WDPCP: variants seen among roughly 807,000 people sequenced by gnomAD.
WDPCP encodes WD repeat containing planar cell polarity effector, also known as WD repeat-containing and planar cell polarity effector protein fritz homolog.
WDPCP carries 71 observed loss-of-function variants against 93.1 expected under a neutral mutation model. The observed-to-expected ratio is 0.76, with a 90% CI of 0.63 to 0.93. The LOEUF (loss-of-function observed/expected upper bound fraction) is 0.93. WDPCP is among the 40% of genes least tolerant of loss of function. The pLI is 0.00. For synonymous variants in WDPCP, 315 were observed against 315.0 expected (o/e 1.00, Z 0.00); for missense variants, 844 against 887.4 (o/e 0.95, Z 0.62).
intron 2 of WDPCP, among the ~76,000 whole-genome samples, chr2:63,679,281 G>A (rs1710460779): frequency 6.7e-6 from 1 of 148,752 alleles, no homozygotes; most frequent in Non-Finnish European, 1.5e-5. Context: ...GTTCCTATAT[G>A]GGCTCCCCAT....
upstream of WDPCP, chr2:63,593,333 A>C: frequency 3.5e-6 from 1 of 286,590 alleles, no homozygotes; most frequent in South Asian, 3.6e-5. Context: ...ACCTCAGGTG[A>C]TCCGCCTGCC....
chr2:63,253,317 T>C (rs1031579556), intron 14 of WDPCP, among the ~76,000 whole-genome samples: 1 of 152,136 alleles, frequency 6.6e-6, no homozygotes, highest in Non-Finnish European at 1.5e-5. Flanking sequence ...CTTCTGGACA[T>C]TGGCCTTGGT....
intron 2 of WDPCP, among the ~76,000 whole-genome samples, chr2:63,711,808 T>C (rs1669268053): frequency 6.6e-6 from 1 of 152,144 alleles, no homozygotes; most frequent in Non-Finnish European, 1.5e-5. Flanking sequence ...TCTAATGGAT[T>C]AGGTAAACCC....
rs187386783 is a variant in WDPCP at position 63,778,810 on chromosome 2, C to T, written n.308+34812G>A. 1.8e-4 allele frequency among the ~76,000 whole-genome samples: 28 copies of T among 152,280 alleles called. No individual in the cohort carries two copies. The East Asian group carries it at 5.0e-3, about 27-fold the overall frequency. The stretch of plus-strand genomic sequence containing the variant: ...TTGGTTCTGAGAATCTCCGCATCCT[C>T]TATATAATATTGCCAGTCCGAAATT... On this transcript the variant is annotated intron_variant and non_coding_transcript_variant, in intron 2 of 4. Transcript: ENST00000467687.
intron 12 of WDPCP, among the ~76,000 whole-genome samples, chr2:63,375,015 G>A (rs1048051994): frequency 6.6e-6 from 1 of 151,972 alleles, no homozygotes; most frequent in African/African-American, 2.4e-5. Flanking sequence ...ACAACTCTCT[G>A]TGCCACAATC....
intron 3 of WDPCP, among the ~76,000 whole-genome samples, chr2:63,632,937 T>C (rs1156667340): frequency 2.0e-5 from 3 of 152,088 alleles, no homozygotes; most frequent in South Asian, 2.1e-4. Context: ...ATAATAAAAC[T>C]GTCAAAAATC....
At chr2:63,168,708 C>T (rs2103958471) in intron 15 of WDPCP, 1 of 152,276 alleles carries the variant, frequency 6.6e-6, no homozygotes, top group African/African-American at 2.4e-5. Flanking sequence ...ATATGGTGAC[C>T]TCCTGGGAGC....
chr2:63,493,943 T>G lies in WDPCP; in HGVS notation c.76-1003A>C, dbSNP rs566959366. 2.6e-5 allele frequency among the ~76,000 whole-genome samples: 4 copies of G among 152,310 alleles called. No homozygotes were observed. The South Asian group carries it at 8.3e-4, about 32-fold the overall frequency. On this transcript the variant is annotated intron_variant, in intron 1 of 17. Transcript: ENST00000272321. ...CATATTTTAATGGAGGAAAAATCCT[T>G]CAGCTTCTTTAACATTAGGAGTGAC...
chr2:63,354,710 A>G (rs1324518139), intron 12 of WDPCP, among the ~76,000 whole-genome samples: 2 of 143,182 alleles, frequency 1.4e-5, no homozygotes, highest in African/African-American at 5.2e-5. Context: ...GTATGTATAT[A>G]TGTATGTGTG....
At chr2:63,325,737 T>C (rs1169631346) in intron 12 of WDPCP, among the ~76,000 whole-genome samples, 1 of 152,196 alleles carries the variant, frequency 6.6e-6, no homozygotes, top group Admixed American at 6.5e-5. Flanking sequence ...GCTGGAGCTA[T>C]TAGCTACACG....
At chr2:63,795,847 T>C (rs1321088381) in intron 2 of WDPCP, among the ~76,000 whole-genome samples, 2 of 152,228 alleles carry the variant, frequency 1.3e-5, no homozygotes, top group Non-Finnish European at 2.9e-5. Flanking sequence ...GGCTCTCTAC[T>C]ACACATCCAT....
At chr2:63,390,649 C>T (rs926728081) in intron 10 of WDPCP, among the ~76,000 whole-genome samples, 5 of 151,932 alleles carry the variant, frequency 3.3e-5, no homozygotes, top group African/African-American at 9.7e-5. Context: ...ACTGATAGAC[C>T]GCTAGCAAGA....
intron 6 of WDPCP, among the ~76,000 whole-genome samples, chr2:63,451,556 T>C (rs1420204185): frequency 6.6e-6 from 1 of 152,052 alleles, no homozygotes; most frequent in African/African-American, 2.4e-5. Context: ...ACTATTCCAA[T>C]CAATAGAAAA....
chr2:63,595,460 T>C (rs752529052), intron 3 of WDPCP: 2 of 1,613,502 alleles, frequency 1.2e-6, no homozygotes, highest in Admixed American at 1.7e-5. Flanking sequence ...ACCCCCATGA[T>C]GGGTGTCCTG....
At chr2:63,718,419 G>C (rs1384832977) in intron 2 of WDPCP, among the ~76,000 whole-genome samples, 1 of 152,022 alleles carries the variant, frequency 6.6e-6, no homozygotes, top group Non-Finnish European at 1.5e-5. Context: ...GCCAACATCT[G>C]TTGTTTTTTA....
chr2:63,530,413 T>C (rs1038389460), intron 1 of WDPCP, among the ~76,000 whole-genome samples: 3 of 152,226 alleles, frequency 2.0e-5, no homozygotes, highest in Admixed American at 6.5e-5. Flanking sequence ...TTTGTTCTCA[T>C]TGGTTTCAAA....
intron 1 of WDPCP, among the ~76,000 whole-genome samples, chr2:63,565,260 A>G (rs1706953569): frequency 6.6e-6 from 1 of 152,228 alleles, no homozygotes; most frequent in Non-Finnish European, 1.5e-5. Context: ...CAAAAAAAGT[A>G]ATGCGTTATT....
chr2:63,226,868 A>G (rs1678335055), intron 14 of WDPCP, among the ~76,000 whole-genome samples: 1 of 151,980 alleles, frequency 6.6e-6, no homozygotes, highest in Non-Finnish European at 1.5e-5. Flanking sequence ...AGTGGAATTT[A>G]GCCAGAAAAT....
intron 2 of WDPCP, among the ~76,000 whole-genome samples, chr2:63,735,845 T>A (rs994500296): frequency 6.6e-5 from 10 of 152,216 alleles, no homozygotes; most frequent in Non-Finnish European, 1.2e-4. Flanking sequence ...TTTGACTGAC[T>A]GGTGACAATA....
Sources: gnomAD v4.1 joint callset for allele counts (sites outside exome capture counted in the v4.1 genomes callset) on GRCh38, gnomAD v4.1.1 for gene constraint, MANE v1.5 for transcripts, NCBI Gene and HGNC (gene_info 2026-07-23, HGNC 2026-07-21) for gene names.